Variants in FBXO4 observed in about 807,000 individuals in gnomAD.
FBXO4 encodes F-box protein 4.
A neutral mutation model predicts 43.7 loss-of-function variants in FBXO4; 36 were observed. The observed-to-expected ratio is 0.82, with a 90% CI of 0.63 to 1.09. The LOEUF is 1.09. FBXO4 is among the 50% of genes least tolerant of loss of function. The pLI is 0.00. For synonymous variants in FBXO4, 180 were observed against 165.6 expected (o/e 1.09, Z -0.67); for missense variants, 435 against 474.1 (o/e 0.92, Z 0.77).
At chr5:42,027,597 G>T in the FBXO4 span, among the ~76,000 whole-genome samples, 1 of 150,960 alleles carries the variant, frequency 6.6e-6, no homozygotes. Context: ...GGTTTGATTT[G>T]CTCTTGCTTT....
intron 5 of FBXO4, chr5:41,934,891 T>C (rs1751809855): frequency 7.1e-6 from 7 of 985,404 alleles, no homozygotes; most frequent in African/African-American, 1.7e-5. Flanking sequence ...AGTATTATAA[T>C]ATCTTTCCCA....
chr5:41,926,921 C>T, intron 1 of FBXO4, 92 bp from the exon 2 acceptor site: 3 of 683,320 alleles, frequency 4.4e-6, no homozygotes, highest in South Asian at 2.2e-5. Context: ...GTCAGTTGAC[C>T]TTTTGTTATT....
chr5:42,004,869 C>A, the FBXO4 span, among the ~76,000 whole-genome samples: 1 of 152,080 alleles, frequency 6.6e-6, no homozygotes, highest in Non-Finnish European at 1.5e-5. Context: ...TTTGAATTTA[C>A]AGTTGGAATG....
chr5:41,963,299 CT>C, the FBXO4 span, among the ~76,000 whole-genome samples: 4 of 151,674 alleles, frequency 2.6e-5, no homozygotes, highest in Admixed American at 6.6e-5. Context: ...AGGTATTAAT[CT>C]TTTTTTTAAA....
At chr5:41,932,368 A>G (rs1751714930) in intron 3 of FBXO4, among the ~76,000 whole-genome samples, 1 of 152,228 alleles carries the variant, frequency 6.6e-6, no homozygotes, top group Non-Finnish European at 1.5e-5. Context: ...TCTGTGAAAC[A>G]TGCACCAGAC....
the FBXO4 span, among the ~76,000 whole-genome samples, chr5:41,997,034 G>A: frequency 6.6e-6 from 1 of 152,222 alleles, no homozygotes; most frequent in Non-Finnish European, 1.5e-5. Flanking sequence ...AAGCTGGAGA[G>A]TTGATAAACA....
chr5:41,933,915 T>G (rs780704969), intron 3 of FBXO4, 31 bp from the exon 4 acceptor site: 4 of 1,559,258 alleles, frequency 2.6e-6, no homozygotes, highest in Non-Finnish European at 2.6e-6. Flanking sequence ...TATTAATGAT[T>G]TGTTTTGGTA....
intron 3 of FBXO4, among the ~76,000 whole-genome samples, chr5:41,932,176 T>A (rs1345367325): frequency 2.0e-5 from 3 of 152,168 alleles, no homozygotes; most frequent in Admixed American, 6.5e-5. Context: ...TGTTTTAAAA[T>A]TTCAATTTAT....
the FBXO4 span, among the ~76,000 whole-genome samples, chr5:41,971,968 C>G: frequency 6.6e-6 from 1 of 152,042 alleles, no homozygotes; most frequent in Non-Finnish European, 1.5e-5. Context: ...TTATGACAAA[C>G]CCACAGCTAA....
At chr5:41,942,540 A>G (rs1579989790), downstream of FBXO4, among the ~76,000 whole-genome samples, 2 of 152,190 alleles carry the variant, frequency 1.3e-5, no homozygotes, top group Admixed American at 1.3e-4. Context: ...CTAGTACCTT[A>G]TGCTCTTTTT....
the FBXO4 span, among the ~76,000 whole-genome samples, chr5:41,972,859 G>T: frequency 7.9e-5 from 12 of 152,208 alleles, no homozygotes; most frequent in East Asian, 1.5e-3. Context: ...CTGGATAACT[G>T]GCTAGCCATA....
the FBXO4 span, among the ~76,000 whole-genome samples, chr5:42,013,248 C>T: frequency 6.6e-6 from 1 of 152,090 alleles, no homozygotes; most frequent in Non-Finnish European, 1.5e-5. Flanking sequence ...CTACTGCACT[C>T]CAGCCTGGGC....
chr5:42,032,525 T>A, the FBXO4 span, among the ~76,000 whole-genome samples: 1 of 152,124 alleles, frequency 6.6e-6, no homozygotes, highest in Non-Finnish European at 1.5e-5. Flanking sequence ...CTATAGACAA[T>A]GGGAACTACT....
At chr5:42,003,681 A>G in the FBXO4 span, among the ~76,000 whole-genome samples, 1 of 68,988 alleles carries the variant, frequency 1.4e-5, no homozygotes, top group African/African-American at 6.0e-5. Flanking sequence ...CCCCCACCCC[A>G]CAACAGGCCC....
chr5:41,945,159 TAAAA>T (rs932332322), downstream of FBXO4, among the ~76,000 whole-genome samples: 2 of 152,174 alleles, frequency 1.3e-5, no homozygotes, highest in Non-Finnish European at 2.9e-5. Context: ...AACATTTTTT[TAAAA>T]AAAGTGTAAG....
intron 6 of FBXO4, among the ~76,000 whole-genome samples, chr5:41,940,749 A>G (rs1579988231): frequency 1.3e-5 from 2 of 152,342 alleles, no homozygotes; most frequent in South Asian, 4.1e-4. Context: ...TTTGAAAACT[A>G]CTAATAAAGT....
chr5:42,010,139 T>C, the FBXO4 span, among the ~76,000 whole-genome samples: 6 of 152,210 alleles, frequency 3.9e-5, no homozygotes, highest in African/African-American at 1.4e-4. Flanking sequence ...TTTGTTCTTT[T>C]TTGAATCTTT....
chr5:41,999,286 C>T, the FBXO4 span, among the ~76,000 whole-genome samples: 2 of 150,054 alleles, frequency 1.3e-5, no homozygotes, highest in African/African-American at 4.9e-5. Context: ...AACCCCAAAA[C>T]CAAGGAAAGA....
the FBXO4 span, chr5:41,968,091 G>A: frequency 1.4e-5 from 5 of 345,410 alleles, no homozygotes; most frequent in Non-Finnish European, 3.0e-5. Context: ...GTTGGCAATG[G>A]GTTCTTCCCA....
Sources: gnomAD v4.1 joint callset for allele counts (sites outside exome capture counted in the v4.1 genomes callset) on GRCh38, gnomAD v4.1.1 for gene constraint, MANE v1.5 for transcripts, NCBI Gene and HGNC (gene_info 2026-07-23, HGNC 2026-07-21) for gene names.